Variants in GMDS observed in about 807,000 individuals in gnomAD.
The protein encoded by GMDS is GDP-mannose 4,6-dehydratase.
Under a neutral mutation model 49.9 loss-of-function variants are expected in GMDS, and 20 were observed. The ratio of observed to expected loss-of-function variants is 0.40; its 90% confidence interval spans 0.28 to 0.58. The LOEUF (loss-of-function observed/expected upper bound fraction) is 0.58. GMDS is among the 20% of genes least tolerant of loss of function. The pLI is 0.42. For missense variants in GMDS, 362 were observed against 481.4 expected (o/e 0.75, Z 2.32); for synonymous variants, 177 against 178.6 (o/e 0.99, Z 0.07).
At chr6:1,855,803 T>C (rs1463209538) in intron 7 of GMDS, among the ~76,000 whole-genome samples, 1 of 152,206 alleles carries the variant, frequency 6.6e-6, no homozygotes, top group African/African-American at 2.4e-5. Context: ...AAATGAATTT[T>C]AATTTACTTT....
At chr6:2,156,319 T>A (rs1037989028) in intron 1 of GMDS, among the ~76,000 whole-genome samples, 2 of 152,156 alleles carry the variant, frequency 1.3e-5, no homozygotes, top group Non-Finnish European at 2.9e-5. Flanking sequence ...GTAATGCAAT[T>A]ATCTCTACGT....
At chr6:2,006,479 G>A (rs1449885852) in intron 4 of GMDS, among the ~76,000 whole-genome samples, 3 of 152,012 alleles carry the variant, frequency 2.0e-5, no homozygotes, top group African/African-American at 7.3e-5. Flanking sequence ...CAAATCCACT[G>A]GTTTCTGGCA....
At chr6:2,203,197 G>A (rs573729058) in intron 1 of GMDS, among the ~76,000 whole-genome samples, 1 of 152,226 alleles carries the variant, frequency 6.6e-6, no homozygotes, top group South Asian at 2.1e-4. Flanking sequence ...CCACTGGGGG[G>A]TTGGGGGGTA....
At chr6:1,763,047 A>G (rs1289775638) in intron 7 of GMDS, among the ~76,000 whole-genome samples, 1 of 152,226 alleles carries the variant, frequency 6.6e-6, no homozygotes, top group Non-Finnish European at 1.5e-5. Context: ...GCTGGTAAAT[A>G]CATGTGGTAA....
At chr6:1,747,665 T>C (rs1767561414) in intron 7 of GMDS, among the ~76,000 whole-genome samples, 3 of 152,218 alleles carry the variant, frequency 2.0e-5, no homozygotes, top group African/African-American at 7.2e-5. Flanking sequence ...ATTTAGTAGC[T>C]GTTTTCATGA....
intron 4 of GMDS, among the ~76,000 whole-genome samples, chr6:2,056,587 C>A (rs1447631576): frequency 6.6e-6 from 1 of 152,138 alleles, no homozygotes; most frequent in Admixed American, 6.5e-5. Flanking sequence ...GGCTACCCAT[C>A]AGAATCACTT....
intron 4 of GMDS, among the ~76,000 whole-genome samples, chr6:2,036,930 AG>A (rs1769341698): frequency 6.6e-6 from 1 of 152,216 alleles, no homozygotes; most frequent in Non-Finnish European, 1.5e-5. Context: ...ATAAGTGCTC[AG>A]TAGATACATC....
At chr6:1,764,862 T>C (rs1768288253) in intron 7 of GMDS, among the ~76,000 whole-genome samples, 1 of 152,246 alleles carries the variant, frequency 6.6e-6, no homozygotes, top group Admixed American at 6.5e-5. Context: ...CCTGGCAATT[T>C]ATATGTTTGT....
At chr6:2,114,369 C>T (rs148642698) in intron 4 of GMDS, among the ~76,000 whole-genome samples, 200 of 152,256 alleles carry the variant, frequency 1.3e-3, no homozygotes, top group Non-Finnish European at 2.2e-3. Context: ...GGAAGATAGA[C>T]TGACTACCTC....
At chr6:1,882,143 A>G (rs1468697615) in intron 7 of GMDS, among the ~76,000 whole-genome samples, 4 of 152,198 alleles carry the variant, frequency 2.6e-5, no homozygotes, top group Non-Finnish European at 5.9e-5. Context: ...GTATTTTCAA[A>G]CTGGAACATA....
At chr6:1,963,272 C>G (rs1166570734) in intron 4 of GMDS, among the ~76,000 whole-genome samples, 1 of 152,046 alleles carries the variant, frequency 6.6e-6, no homozygotes, top group East Asian at 1.9e-4. Flanking sequence ...ACTATAGCCT[C>G]AAAACCTGCT....
chr6:2,123,874 C>CAAATAAT (rs1775273911), intron 2 of GMDS, among the ~76,000 whole-genome samples: 1 of 152,132 alleles, frequency 6.6e-6, no homozygotes, highest in African/African-American at 2.4e-5. Flanking sequence ...TTTTTTTCTT[C>CAAATAAT]AAATAATGTT....
intron 4 of GMDS, among the ~76,000 whole-genome samples, chr6:1,969,856 T>C (rs1764500369): frequency 2.0e-5 from 3 of 152,132 alleles, no homozygotes; most frequent in African/African-American, 7.2e-5. Context: ...TTAGTGAGCT[T>C]GTAAGCTCCA....
At chr6:1,708,385 G>C (rs1307343714) in intron 9 of GMDS, among the ~76,000 whole-genome samples, 1 of 152,148 alleles carries the variant, frequency 6.6e-6, no homozygotes, top group Non-Finnish European at 1.5e-5. Flanking sequence ...GCGGGTAGGG[G>C]GCTTGCACTC....
At chr6:1,823,587 T>C (rs1044778971) in intron 7 of GMDS, among the ~76,000 whole-genome samples, 1 of 152,176 alleles carries the variant, frequency 6.6e-6, no homozygotes, top group Non-Finnish European at 1.5e-5. Context: ...ACTGCCCACA[T>C]GCCCTTTCTG....
chr6:2,121,143 G>A (rs568487499), intron 2 of GMDS, among the ~76,000 whole-genome samples: 98 of 152,330 alleles, frequency 6.4e-4, no homozygotes, highest in African/African-American at 2.3e-3. Flanking sequence ...TGAGACACAG[G>A]TGTCCAGTGC....
intron 8 of GMDS, among the ~76,000 whole-genome samples, chr6:1,732,391 C>T (rs1320108564): frequency 2.0e-5 from 3 of 152,014 alleles, no homozygotes; most frequent in African/African-American, 2.4e-5. Flanking sequence ...GCATAGCATT[C>T]GTCAGTCATG....
chr6:2,182,940 T>A (rs935778727), intron 1 of GMDS, among the ~76,000 whole-genome samples: 1 of 152,170 alleles, frequency 6.6e-6, no homozygotes, highest in Admixed American at 6.5e-5. Context: ...GCTCCTGGGC[T>A]CAAACGATCT....
intron 9 of GMDS, among the ~76,000 whole-genome samples, chr6:1,661,508 G>T (rs2113250100): frequency 6.6e-6 from 1 of 152,324 alleles, no homozygotes; most frequent in Admixed American, 6.5e-5. Context: ...GGCCACACAA[G>T]CCCGAGTGGG....
Sources: allele counts gnomAD v4.1 joint callset (sites outside exome capture counted in the v4.1 genomes callset), GRCh38; gene constraint gnomAD v4.1.1; transcripts MANE v1.5; gene names NCBI Gene and HGNC (gene_info 2026-07-23, HGNC 2026-07-21).